PLXDC2: variants seen among roughly 807,000 people sequenced by gnomAD.
The protein encoded by PLXDC2 is plexin domain containing 2, also known as plexin domain-containing protein 2.
Under a neutral mutation model 68.9 loss-of-function variants are expected in PLXDC2, and 40 were observed. The ratio of observed to expected loss-of-function variants is 0.58; its 90% CI spans 0.45 to 0.76. PLXDC2 has a LOEUF of 0.76. Among genes scored for constraint, PLXDC2 ranks in the 30% least tolerant of loss-of-function variants. PLXDC2 has a pLI of 0.00. For synonymous variants in PLXDC2, 243 were observed against 234.2 expected, an observed-to-expected ratio of 1.04 and a Z score of -0.34; for missense variants, 644 against 661.9, an observed-to-expected ratio of 0.97 and a Z score of 0.30.
At chr10:19,841,640 G>A (rs1836909696) in intron 1 of PLXDC2, among the ~76,000 whole-genome samples, 2 of 148,840 alleles carry the variant, frequency 1.3e-5, no homozygotes. Context: ...AGACTTCTGT[G>A]CCTTTCTTTC....
chr10:20,158,673 G>GTAAATAAATAAATAAA (rs34641917), intron 6 of PLXDC2, among the ~76,000 whole-genome samples: 33 of 148,504 alleles, frequency 2.2e-4, no homozygotes, highest in Admixed American at 6.1e-4. Flanking sequence ...AAATAAATAA[G>GTAAATAAATAAATAAA]TAAATAAATA....
intron 6 of PLXDC2, among the ~76,000 whole-genome samples, chr10:20,154,133 A>G (rs1173509875): frequency 2.0e-5 from 3 of 152,192 alleles, no homozygotes; most frequent in Non-Finnish European, 4.4e-5. Context: ...GTAATTAGCT[A>G]TAACCCTAAA....
intron 1 of PLXDC2, among the ~76,000 whole-genome samples, chr10:19,865,342 G>GA (rs766171859): frequency 8.5e-5 from 13 of 152,262 alleles, no homozygotes; most frequent in Non-Finnish European, 1.9e-4. Context: ...AACACTGATG[G>GA]AAAAAACTTG....
intron 2 of PLXDC2, among the ~76,000 whole-genome samples, chr10:20,017,761 T>C (rs1284553654): frequency 6.6e-6 from 1 of 152,260 alleles, no homozygotes; most frequent in African/African-American, 2.4e-5. Context: ...CATTCTCGTA[T>C]TTAAAGATGA....
chr10:20,015,521 A>G (rs1835195744), intron 2 of PLXDC2, among the ~76,000 whole-genome samples: 1 of 152,132 alleles, frequency 6.6e-6, no homozygotes, highest in Admixed American at 6.6e-5. Flanking sequence ...CTTCAATTAG[A>G]TGTTATTTCA....
chr10:20,138,072 G>A (rs558615613), intron 4 of PLXDC2, among the ~76,000 whole-genome samples: 54 of 152,102 alleles, frequency 3.6e-4, no homozygotes, highest in Middle Eastern at 3.2e-3. Context: ...TTAAATGTAC[G>A]TAGAGCTCAA....
At chr10:20,229,600 T>A (rs1835333826) in intron 12 of PLXDC2, among the ~76,000 whole-genome samples, 1 of 151,984 alleles carries the variant, frequency 6.6e-6, no homozygotes, top group Non-Finnish European at 1.5e-5. Context: ...GCATAATGCT[T>A]TAAAGAGAGT....
At chr10:20,087,858 C>G (rs1249068071) in intron 4 of PLXDC2, among the ~76,000 whole-genome samples, 1 of 152,078 alleles carries the variant, frequency 6.6e-6, no homozygotes, top group Non-Finnish European at 1.5e-5. Context: ...AATAATTTCC[C>G]TACCACTTCC....
chr10:20,001,138 G>T (rs1042044873), intron 1 of PLXDC2, among the ~76,000 whole-genome samples: 1 of 152,144 alleles, frequency 6.6e-6, no homozygotes, highest in African/African-American at 2.4e-5. Context: ...GAGATTTCAA[G>T]GTGAGAACGG....
intron 12 of PLXDC2, among the ~76,000 whole-genome samples, chr10:20,237,594 A>G (rs777154318): frequency 3.3e-5 from 5 of 152,346 alleles, no homozygotes; most frequent in Non-Finnish European, 5.9e-5. Flanking sequence ...CTTTTGTTAC[A>G]TGCTTTAGCT....
chr10:19,860,699 C>A (rs1458186618), intron 1 of PLXDC2, among the ~76,000 whole-genome samples: 1 of 152,158 alleles, frequency 6.6e-6, no homozygotes, highest in African/African-American at 2.4e-5. Context: ...CAGACCAGAT[C>A]CTCACTAAAT....
intron 1 of PLXDC2, among the ~76,000 whole-genome samples, chr10:19,965,329 T>C (rs974584435): frequency 2.0e-5 from 3 of 152,196 alleles, no homozygotes; most frequent in African/African-American, 7.2e-5. Flanking sequence ...CATAAAGTCT[T>C]ATCCTGGATA....
intron 13 of PLXDC2, among the ~76,000 whole-genome samples, chr10:20,262,582 C>G (rs1835822652): frequency 6.6e-6 from 1 of 152,172 alleles, no homozygotes. Context: ...GAAGGAATAC[C>G]CCAGCAAAGC....
intron 1 of PLXDC2, among the ~76,000 whole-genome samples, chr10:19,819,381 T>C (rs1000105968): frequency 2.0e-5 from 3 of 152,176 alleles, no homozygotes; most frequent in Admixed American, 6.5e-5. Context: ...AAAAATATTG[T>C]AATTAAATGG....
At chr10:19,981,440 G>T (rs1453365658) in intron 1 of PLXDC2, among the ~76,000 whole-genome samples, 1 of 152,180 alleles carries the variant, frequency 6.6e-6, no homozygotes, top group Non-Finnish European at 1.5e-5. Flanking sequence ...AGTTTACGTA[G>T]TTTGAAGTGC....
At chr10:19,919,465 G>A (rs1833422880) in intron 1 of PLXDC2, among the ~76,000 whole-genome samples, 1 of 152,206 alleles carries the variant, frequency 6.6e-6, no homozygotes, top group African/African-American at 2.4e-5. Context: ...AAGAATTGGA[G>A]ATGGCTAATA....
At chr10:19,845,487 A>G (rs1044576969) in intron 1 of PLXDC2, among the ~76,000 whole-genome samples, 25 of 152,206 alleles carry the variant, frequency 1.6e-4, no homozygotes, top group African/African-American at 5.5e-4. Flanking sequence ...CCAGTAAGTC[A>G]TGCCATGTCA....
rs565549672 is a variant in PLXDC2, at chr10:20,037,408, G to A, written c.325-9461G>A. 1.1e-4 allele frequency among the ~76,000 whole-genome samples: 16 copies of A among 150,930 alleles called. 1 individual carries two copies. Among genetic ancestry groups the A allele is most frequent in the Middle Eastern group, 3.4e-3 (1 of 294 alleles). On this transcript the variant is annotated intron_variant, in intron 2 of 13. Transcript: ENST00000377252. ...AAGTTCTAGGGTACATGTGCACAACGTGCAGGTTTGTTACATATATATGCA... is the reference window on the plus strand; with the variant it reads ...AAGTTCTAGGGTACATGTGCACAACATGCAGGTTTGTTACATATATATGCA...
At chr10:19,890,826 A>T (rs1211856645) in intron 1 of PLXDC2, among the ~76,000 whole-genome samples, 1 of 151,696 alleles carries the variant, frequency 6.6e-6, no homozygotes, top group Non-Finnish European at 1.5e-5. Flanking sequence ...ATGTGTATGC[A>T]TCTGTATATA....
Sources: allele counts gnomAD v4.1 joint callset (sites outside exome capture counted in the v4.1 genomes callset), GRCh38; gene constraint gnomAD v4.1.1; transcripts MANE v1.5; gene names NCBI Gene and HGNC (gene_info 2026-07-23, HGNC 2026-07-21).